SOX6: variants seen among roughly 807,000 people sequenced by gnomAD.
The protein encoded by SOX6 is SRY-box transcription factor 6.
A neutral mutation model predicts 97.8 loss-of-function variants in SOX6; 11 were observed. The observed-to-expected ratio is 0.11, with a 90% CI of 0.07 to 0.19. The LOEUF (loss-of-function observed/expected upper bound fraction) is 0.19. SOX6 is among the 10% of genes least tolerant of loss of function. The probability of loss-of-function intolerance (pLI) is 1.00; values close to 1 mark genes in which losing one functional copy is unlikely to be tolerated. For missense variants in SOX6, 810 were observed against 1,039.5 expected, an observed-to-expected ratio of 0.78 and a Z score of 3.04; for synonymous variants, 360 against 371.4, an observed-to-expected ratio of 0.97 and a Z score of 0.35.
intron 1 of SOX6, among the ~76,000 whole-genome samples, chr11:16,342,645 T>C (rs1469949281): frequency 6.6e-6 from 1 of 151,918 alleles, no homozygotes; most frequent in Non-Finnish European, 1.5e-5. Context: ...AATAATTAAG[T>C]TAATTCCAAT....
intron 4 of SOX6, among the ~76,000 whole-genome samples, chr11:16,603,207 T>A (rs1458380800): frequency 6.6e-6 from 1 of 152,084 alleles, no homozygotes; most frequent in Non-Finnish European, 1.5e-5. Flanking sequence ...ATGTTGAGTG[T>A]TGAATTCCAG....
chr11:16,680,170 G>A (rs917101985), intron 3 of SOX6, among the ~76,000 whole-genome samples: 2 of 152,146 alleles, frequency 1.3e-5, no homozygotes, highest in Non-Finnish European at 2.9e-5. Context: ...GATTCACCAA[G>A]GTTGAAATGA....
At chr11:16,194,045 A>G (rs1851704417) in intron 4 of SOX6, among the ~76,000 whole-genome samples, 1 of 152,202 alleles carries the variant, frequency 6.6e-6, no homozygotes, top group Non-Finnish European at 1.5e-5. Flanking sequence ...AAAAGTCAAC[A>G]AAAAATAAAC....
At chr11:16,685,198 C>A (rs1847960058) in intron 3 of SOX6, among the ~76,000 whole-genome samples, 1 of 151,962 alleles carries the variant, frequency 6.6e-6, no homozygotes. Flanking sequence ...TCTTCTCACA[C>A]TGCAAAAAAA....
At position 16,562,768 on chromosome 11, in the gene SOX6, C is replaced by T. The variant is rs547337463; in HGVS notation, n.609+49313G>A. On this transcript the variant is annotated intron_variant and non_coding_transcript_variant, in intron 4 of 5. Coordinates refer to the SOX6 transcript ENST00000524520. The stretch of plus-strand genomic sequence containing the variant: ...AGGAATGCCTAGTGGAGAGTCAAAA[C>T]TTTCATCATTGACCAACAGTAATGA... 5.9e-5 allele frequency among the ~76,000 whole-genome samples: 9 copies of T among 152,256 alleles called. No individual in the cohort carries two copies. The South Asian group carries it at 1.7e-3, about 28-fold the overall frequency.
rs185681300 is a variant in SOX6 at position 16,643,581 on chromosome 11, C to T, written n.430-31321G>A. ...TTCCACCCAGTTCAAGCTTCCCAGC[C>T]GCTTTGTTTACCTACTCAAGCCTCA... On this transcript the variant is annotated intron_variant and non_coding_transcript_variant, in intron 3 of 5. Transcript: ENST00000524520. 9.8e-3 allele frequency among the ~76,000 whole-genome samples: 1,487 copies of T among 152,266 alleles called. 20 individuals carry two copies. The highest frequency in any genetic ancestry group is 0.033 in the African/African-American group (1,355 of 41,564).
chr11:16,667,841 C>T (rs1005874047), intron 3 of SOX6, among the ~76,000 whole-genome samples: 8 of 151,970 alleles, frequency 5.3e-5, no homozygotes, highest in South Asian at 2.1e-4. Context: ...AGTAGAAAGA[C>T]TAAAAGATGA....
rs142735097 is a variant in SOX6, at chr11:16,439,815, T to C, written c.-5+36500A>G. Among the ~76,000 whole-genome samples, 340 of 152,342 alleles carry C rather than the reference T, an allele frequency of 2.2e-3. 1 individual carries two copies. Among genetic ancestry groups the C allele is most frequent in the African/African-American group, 7.4e-3 (309 of 41,580 alleles). ...GATTGTCCCAATAATTCCTACACTA[T>C]GTAATTTCAGTTAAAGCTGCCAACC... On this transcript the variant is annotated intron_variant, in intron 1 of 15. Transcript: ENST00000396356.
At chr11:16,487,806 C>T (rs1364889709) in intron 4 of SOX6, among the ~76,000 whole-genome samples, 1 of 152,122 alleles carries the variant, frequency 6.6e-6, no homozygotes, top group East Asian at 1.9e-4. Flanking sequence ...ACTCTCAGTA[C>T]CACGCCCTCT....
intron 12 of SOX6, among the ~76,000 whole-genome samples, chr11:16,040,972 C>A (rs1328765102): frequency 6.6e-6 from 1 of 152,050 alleles, no homozygotes; most frequent in Non-Finnish European, 1.5e-5. Flanking sequence ...CTCTGCTTTG[C>A]AAATGAGAAT....
At chr11:16,019,957 G>T (rs963873986) in intron 12 of SOX6, among the ~76,000 whole-genome samples, 5 of 152,122 alleles carry the variant, frequency 3.3e-5, no homozygotes, top group Non-Finnish European at 5.9e-5. Context: ...TTGAGTGGAA[G>T]CTAAATAAGT....
chr11:16,678,498 T>C (rs561607693), intron 3 of SOX6, among the ~76,000 whole-genome samples: 1 of 152,284 alleles, frequency 6.6e-6, no homozygotes, highest in African/African-American at 2.4e-5. Context: ...GATAGCCAAA[T>C]AGGAACAGCT....
At chr11:16,324,436 G>A (rs1179188417) in intron 2 of SOX6, among the ~76,000 whole-genome samples, 2 of 152,026 alleles carry the variant, frequency 1.3e-5, no homozygotes, top group East Asian at 3.9e-4. Context: ...TTATTTGAGG[G>A]CATTATGATT....
chr11:16,529,176 C>A (rs1372515361), intron 4 of SOX6, among the ~76,000 whole-genome samples: 8 of 151,906 alleles, frequency 5.3e-5, no homozygotes. Flanking sequence ...ATTATTAATT[C>A]AAGAATTAAA....
chr11:16,429,026 G>T (rs1859216496), intron 1 of SOX6, among the ~76,000 whole-genome samples: 1 of 151,610 alleles, frequency 6.6e-6, no homozygotes, highest in Non-Finnish European at 1.5e-5. Context: ...CCTTGAACAG[G>T]CACTTTTCAA....
At chr11:16,158,474 T>C (rs1564989369) in intron 6 of SOX6, among the ~76,000 whole-genome samples, 2 of 152,048 alleles carry the variant, frequency 1.3e-5, no homozygotes, top group African/African-American at 2.4e-5. Flanking sequence ...CTTATCTTTA[T>C]CTCAACTGTA....
intron 15 of SOX6, among the ~76,000 whole-genome samples, chr11:15,981,605 T>C (rs1001138055): frequency 6.6e-6 from 1 of 152,062 alleles, no homozygotes; most frequent in Non-Finnish European, 1.5e-5. Flanking sequence ...TCACTTTACC[T>C]ATTGAATGTT....
chr11:16,243,085 A>G (rs896588156), intron 3 of SOX6, among the ~76,000 whole-genome samples: 3 of 151,988 alleles, frequency 2.0e-5, no homozygotes, highest in Admixed American at 1.3e-4. Context: ...CTGTGCCTAC[A>G]TCAAATGCCA....
At chr11:16,535,977 A>G (rs562620446) in intron 4 of SOX6, among the ~76,000 whole-genome samples, 1 of 152,222 alleles carries the variant, frequency 6.6e-6, no homozygotes, top group East Asian at 1.9e-4. Context: ...TGACCCAAGC[A>G]TATTTCAATT....
Sources: gnomAD v4.1 joint callset for allele counts (sites outside exome capture counted in the v4.1 genomes callset) on GRCh38, gnomAD v4.1.1 for gene constraint, MANE v1.5 for transcripts, NCBI Gene and HGNC (gene_info 2026-07-23, HGNC 2026-07-21) for gene names.